STXBP5L: variants seen among roughly 807,000 people sequenced by gnomAD.
The protein encoded by STXBP5L is syntaxin binding protein 5L, also known as syntaxin-binding protein 5-like.
STXBP5L carries 65 observed loss-of-function variants against 144.5 expected under a neutral mutation model. The ratio of observed to expected loss-of-function variants is 0.45; its 90% CI spans 0.37 to 0.55. The LOEUF (loss-of-function observed/expected upper bound fraction) is 0.55. Among genes scored for constraint, STXBP5L ranks in the 20% least tolerant of loss-of-function variants. STXBP5L has a pLI of 0.00. For synonymous variants in STXBP5L, 505 were observed against 469.6 expected, an observed-to-expected ratio of 1.08 and a Z score of -0.97; for missense variants, 1,298 against 1,405.5, an observed-to-expected ratio of 0.92 and a Z score of 1.22.
At chr3:121,230,726 A>G (rs1029804013) in intron 11 of STXBP5L, among the ~76,000 whole-genome samples, 1 of 152,226 alleles carries the variant, frequency 6.6e-6, no homozygotes, top group African/African-American at 2.4e-5. Flanking sequence ...CAAGCTTTAA[A>G]TAAAGCTTTA....
intron 5 of STXBP5L, among the ~76,000 whole-genome samples, chr3:121,090,503 G>A (rs939341387): frequency 6.6e-6 from 1 of 152,112 alleles, no homozygotes; most frequent in Non-Finnish European, 1.5e-5. Context: ...CTGTTGTTCA[G>A]GAGCATGAAA....
chr3:121,238,946 C>G, intron 12 of STXBP5L, 25 bp from the exon 13 acceptor site: 1 of 1,514,084 alleles, frequency 6.6e-7, no homozygotes, highest in African/African-American at 1.4e-5. Flanking sequence ...TAAAATAACA[C>G]TGATATATTG....
chr3:121,323,737 T>C (rs1255023809), intron 20 of STXBP5L, among the ~76,000 whole-genome samples: 1 of 136,510 alleles, frequency 7.3e-6, no homozygotes, highest in Non-Finnish European at 1.6e-5. Context: ...TCATACTTTT[T>C]TAAAGGCTGT....
At chr3:121,317,824 A>G (rs529820036) in intron 19 of STXBP5L, among the ~76,000 whole-genome samples, 1 of 152,236 alleles carries the variant, frequency 6.6e-6, no homozygotes, top group African/African-American at 2.4e-5. Context: ...GCTTATTATA[A>G]GGAATTTGAT....
intron 20 of STXBP5L, among the ~76,000 whole-genome samples, chr3:121,337,664 G>T (rs980549246): frequency 6.6e-6 from 1 of 152,030 alleles, no homozygotes; most frequent in African/African-American, 2.4e-5. Flanking sequence ...GGCAGAAAGT[G>T]AGCAAGAAAA....
At chr3:121,223,266 G>A (rs766629007) in intron 11 of STXBP5L, 109 bp downstream of exon 11, 3 of 1,133,740 alleles carry the variant, frequency 2.6e-6, no homozygotes, top group Non-Finnish European at 3.6e-6. Flanking sequence ...GTATAACGCT[G>A]TGAGCTACAA....
At chr3:120,918,247 C>T (rs929797322) in intron 2 of STXBP5L, among the ~76,000 whole-genome samples, 4 of 152,168 alleles carry the variant, frequency 2.6e-5, no homozygotes, top group Non-Finnish European at 4.4e-5. Flanking sequence ...CTCCCCATTA[C>T]AAGGTTAGTT....
chr3:120,912,364 C>G (rs1245106705), intron 2 of STXBP5L, among the ~76,000 whole-genome samples: 1 of 151,872 alleles, frequency 6.6e-6, no homozygotes, highest in African/African-American at 2.4e-5. Flanking sequence ...TAAATAACAT[C>G]TATTCAAACA....
chr3:121,217,958 T>C (rs1002905641), intron 10 of STXBP5L, among the ~76,000 whole-genome samples: 3 of 148,214 alleles, frequency 2.0e-5, no homozygotes, highest in Non-Finnish European at 4.5e-5. Context: ...AAACAACATT[T>C]AGTAGTTACT....
At chr3:121,058,060 G>A (rs141261288) in intron 5 of STXBP5L, among the ~76,000 whole-genome samples, 213 of 152,156 alleles carry the variant, frequency 1.4e-3, no homozygotes, top group Middle Eastern at 6.8e-3. Context: ...AAGTGCCATG[G>A]TGGTTTGCTG....
intron 16 of STXBP5L, among the ~76,000 whole-genome samples, chr3:121,255,465 T>C (rs2050173986): frequency 6.6e-6 from 1 of 152,008 alleles, no homozygotes; most frequent in African/African-American, 2.4e-5. Flanking sequence ...CTCTACAACA[T>C]GATGTTTTGA....
intron 3 of STXBP5L, among the ~76,000 whole-genome samples, chr3:120,970,431 A>T (rs1412288385): frequency 6.6e-6 from 1 of 152,098 alleles, no homozygotes; most frequent in Non-Finnish European, 1.5e-5. Context: ...TGTTTAAATG[A>T]TACTTTTGCT....
chr3:121,092,367 G>T (rs2042856843), intron 5 of STXBP5L, among the ~76,000 whole-genome samples: 2 of 152,140 alleles, frequency 1.3e-5, no homozygotes, highest in Middle Eastern at 3.4e-3. Context: ...TGGGCAGTAT[G>T]GCCATTTTCA....
chr3:120,979,245 G>A (rs1035472498), intron 3 of STXBP5L, among the ~76,000 whole-genome samples: 15 of 152,224 alleles, frequency 9.9e-5, no homozygotes, highest in Admixed American at 3.9e-4. Context: ...GCAAGCCTGG[G>A]CAATGGCAGG....
At chr3:121,096,465 G>A (rs185378619) in intron 5 of STXBP5L, among the ~76,000 whole-genome samples, 1 of 152,230 alleles carries the variant, frequency 6.6e-6, no homozygotes, top group African/African-American at 2.4e-5. Context: ...CAGCCACTTT[G>A]CACTGGTTTC....
chr3:121,115,767 C>T (rs756257704), intron 6 of STXBP5L, among the ~76,000 whole-genome samples: 2 of 152,080 alleles, frequency 1.3e-5, no homozygotes, highest in African/African-American at 4.8e-5. Flanking sequence ...AGGGAGGCCT[C>T]AGGAAGCTTA....
At chr3:121,362,932 G>A (rs926138077) in intron 20 of STXBP5L, among the ~76,000 whole-genome samples, 2 of 152,054 alleles carry the variant, frequency 1.3e-5, no homozygotes, top group Non-Finnish European at 2.9e-5. Context: ...GGGCCTAGGG[G>A]CTCTACAGTT....
At chr3:121,071,933 C>T (rs942495596) in intron 5 of STXBP5L, among the ~76,000 whole-genome samples, 1 of 152,222 alleles carries the variant, frequency 6.6e-6, no homozygotes, top group African/African-American at 2.4e-5. Flanking sequence ...ATGGGCAGCA[C>T]CTGATCCCAC....
intron 15 of STXBP5L, among the ~76,000 whole-genome samples, chr3:121,251,969 C>A (rs1336733016): frequency 1.3e-5 from 2 of 152,174 alleles, no homozygotes; most frequent in Non-Finnish European, 1.5e-5. Context: ...GTTGATGAAT[C>A]TTCTCATGCA....
Sources: allele counts gnomAD v4.1 joint callset (sites outside exome capture counted in the v4.1 genomes callset), GRCh38; gene constraint gnomAD v4.1.1; transcripts MANE v1.5; gene names NCBI Gene and HGNC (gene_info 2026-07-23, HGNC 2026-07-21).